ASTN2: variants seen among roughly 807,000 people sequenced by gnomAD.
The protein encoded by ASTN2 is astrotactin 2.
Under a neutral mutation model 139.8 loss-of-function variants are expected in ASTN2, and 54 were observed. That is an observed-to-expected ratio of 0.39 (90% CI 0.31 to 0.48). ASTN2 has a LOEUF of 0.48. ASTN2 is among the 20% of genes least tolerant of loss of function. The pLI is 0.95. For synonymous variants in ASTN2, 756 were observed against 719.5 expected (o/e 1.05, Z -0.81); for missense variants, 1,565 against 1,725.1 (o/e 0.91, Z 1.64).
chr9:116,754,128 A>C (rs1829476231), intron 13 of ASTN2, among the ~76,000 whole-genome samples: 2 of 152,158 alleles, frequency 1.3e-5, no homozygotes, highest in African/African-American at 4.8e-5. Context: ...GTGTCCCTGC[A>C]AAGGACATAA....
chr9:116,878,254 T>C (rs771660748), intron 10 of ASTN2, among the ~76,000 whole-genome samples: 13 of 152,202 alleles, frequency 8.5e-5, no homozygotes, highest in Non-Finnish European at 1.6e-4. Context: ...ACATGGCATG[T>C]GTATGTTCAT....
At chr9:116,794,260 G>A (rs995188906) in intron 13 of ASTN2, among the ~76,000 whole-genome samples, 5 of 151,674 alleles carry the variant, frequency 3.3e-5, no homozygotes, top group African/African-American at 7.3e-5. Context: ...CACCAAGCCC[G>A]GCTAATTTTG....
At position 117,339,407 on chromosome 9, in the gene ASTN2, G is replaced by T. The variant is rs186776859; in HGVS notation, c.443-47894C>A. Reference sequence around the variant, plus strand: ...AGGTCACCCTGTCCCACTTTAAAAGGTCTGCTGAGATCTCACACACATGCA... The same window carrying T: ...AGGTCACCCTGTCCCACTTTAAAAGTTCTGCTGAGATCTCACACACATGCA... On this transcript the variant is annotated intron_variant, in intron 1 of 22. Coordinates refer to ENST00000313400, the MANE Select transcript of ASTN2 (RefSeq NM_001365068.1). Among the ~76,000 whole-genome samples the T allele has an allele frequency of 3.3e-5, 5 of 152,146 alleles. No homozygotes were observed. In the East Asian group the frequency reaches 9.7e-4, roughly 29 times the overall value.
chr9:117,361,492 TGTAAGA>T (rs1319367365), intron 1 of ASTN2, among the ~76,000 whole-genome samples: 4 of 152,156 alleles, frequency 2.6e-5, no homozygotes, highest in Non-Finnish European at 5.9e-5. Context: ...AGGGAGTTGC[TGTAAGA>T]GTAAAACAAA....
chr9:116,540,171 G>C (rs1789647130), intron 19 of ASTN2, among the ~76,000 whole-genome samples: 2 of 152,088 alleles, frequency 1.3e-5, no homozygotes, highest in African/African-American at 4.8e-5. Context: ...TCTATATTGG[G>C]TCTATTTCTA....
chr9:117,287,800 A>G (rs1834487333), intron 2 of ASTN2, among the ~76,000 whole-genome samples: 1 of 152,210 alleles, frequency 6.6e-6, no homozygotes, highest in African/African-American at 2.4e-5. Flanking sequence ...GACAATATTA[A>G]TAGCCATTTG....
rs568400537 is a variant in ASTN2, at chr9:116,780,195, C to T, written c.2396+25437G>A. 2.0e-5 allele frequency among the ~76,000 whole-genome samples: 3 copies of T among 152,230 alleles called. No individual in the cohort carries two copies. In the South Asian group the frequency reaches 6.2e-4, roughly 32 times the overall value. ...GACAAAGAAGCAAACGGTAGAATACCAAATTCTGTGTGGCCAGGGTGGAGC... is the reference window on the plus strand; with the variant it reads ...GACAAAGAAGCAAACGGTAGAATACTAAATTCTGTGTGGCCAGGGTGGAGC... On this transcript the variant is annotated intron_variant, in intron 13 of 22. Coordinates refer to ENST00000313400, the MANE Select transcript of ASTN2 (RefSeq NM_001365068.1).
chr9:116,478,281 A>AG (rs1849057253), intron 20 of ASTN2, among the ~76,000 whole-genome samples: 1 of 150,934 alleles, frequency 6.6e-6, no homozygotes, highest in East Asian at 2.0e-4. Flanking sequence ...GAAGGAAGGA[A>AG]GAGAGCCAGG....
At chr9:117,339,209 C>T (rs760509702) in intron 1 of ASTN2, among the ~76,000 whole-genome samples, 1 of 152,146 alleles carries the variant, frequency 6.6e-6, no homozygotes, top group Admixed American at 6.5e-5. Context: ...AACTGAGGCT[C>T]ACAGAGGGCA....
intron 2 of ASTN2, among the ~76,000 whole-genome samples, chr9:117,239,157 G>A (rs1006828461): frequency 6.6e-6 from 1 of 152,146 alleles, no homozygotes; most frequent in Non-Finnish European, 1.5e-5. Context: ...GGAACCAAGA[G>A]GCCCTGCCAC....
chr9:117,160,615 C>T (rs1313727792), intron 3 of ASTN2, among the ~76,000 whole-genome samples: 2 of 151,820 alleles, frequency 1.3e-5, no homozygotes, highest in Non-Finnish European at 2.9e-5. Flanking sequence ...CTTGAGTTTC[C>T]AAATGTATGC....
At chr9:116,767,423 A>T (rs531509018) in intron 13 of ASTN2, among the ~76,000 whole-genome samples, 2 of 152,190 alleles carry the variant, frequency 1.3e-5, no homozygotes, top group African/African-American at 4.8e-5. Flanking sequence ...GCACTGTAAG[A>T]CACATTCCGC....
chr9:116,526,621 CA>C (rs34222127), intron 19 of ASTN2, among the ~76,000 whole-genome samples: 235 of 137,208 alleles, frequency 1.7e-3, no homozygotes, highest in African/African-American at 2.7e-3. Context: ...GAACTTGTCT[CA>C]AAAAAAAAAA....
At chr9:117,349,688 G>A (rs1707867431) in intron 1 of ASTN2, among the ~76,000 whole-genome samples, 1 of 152,260 alleles carries the variant, frequency 6.6e-6, no homozygotes, top group South Asian at 2.1e-4. Flanking sequence ...AATAAAGTAA[G>A]TAAAGGGAAA....
chr9:116,931,669 C>T (rs10983411), intron 10 of ASTN2, among the ~76,000 whole-genome samples: 34,351 of 152,066 alleles, frequency 0.23, 4,043 homozygotes, highest in Middle Eastern at 0.3. Context: ...TCAAAGCAGG[C>T]AGGATCTCTG....
intron 2 of ASTN2, among the ~76,000 whole-genome samples, chr9:117,228,962 C>T (rs1324384060): frequency 6.6e-6 from 1 of 152,006 alleles, no homozygotes; most frequent in African/African-American, 2.4e-5. Context: ...TGAGATGGTG[C>T]CACTGCACTC....
intron 10 of ASTN2, among the ~76,000 whole-genome samples, chr9:116,879,657 CTG>C (rs2132367064): frequency 6.6e-6 from 1 of 152,300 alleles, no homozygotes; most frequent in Non-Finnish European, 1.5e-5. Flanking sequence ...GTCTGGAACA[CTG>C]TGCAGGCAAC....
intron 19 of ASTN2, among the ~76,000 whole-genome samples, chr9:116,509,406 C>A (rs1477532780): frequency 2.6e-5 from 4 of 152,150 alleles, no homozygotes; most frequent in Non-Finnish European, 4.4e-5. Flanking sequence ...TCCAGTCTAT[C>A]ATTGATGGAC....
At chr9:116,738,159 T>C (rs1336923262) in intron 13 of ASTN2, among the ~76,000 whole-genome samples, 1 of 134,276 alleles carries the variant, frequency 7.4e-6, no homozygotes, top group East Asian at 2.3e-4. Context: ...GCCACTGCAC[T>C]CCAGCCTGGG....
Sources: allele counts gnomAD v4.1 joint callset (sites outside exome capture counted in the v4.1 genomes callset), GRCh38; gene constraint gnomAD v4.1.1; transcripts MANE v1.5; gene names NCBI Gene and HGNC (gene_info 2026-07-23, HGNC 2026-07-21).